Variants in ELMOD1 observed in about 807,000 individuals in gnomAD.
ELMOD1 encodes the protein ELMO domain-containing protein 1.
ELMOD1 carries 21 observed loss-of-function variants against 46.7 expected under a neutral mutation model. That is an observed-to-expected ratio of 0.45 (90% CI 0.32 to 0.65). ELMOD1 has a LOEUF of 0.65. Ranked by LOEUF, ELMOD1 falls within the 30% of genes least tolerant of loss-of-function variation. The pLI is 0.04. For missense variants in ELMOD1, 348 were observed against 407.8 expected (o/e 0.85, Z 1.26); for synonymous variants, 122 against 138.2 (o/e 0.88, Z 0.82).
chr11:107,644,274 C>T (rs1296229385), intron 6 of ELMOD1, among the ~76,000 whole-genome samples: 11 of 149,356 alleles, frequency 7.4e-5, no homozygotes, highest in African/African-American at 2.5e-4. Flanking sequence ...CCAGCCTGGG[C>T]GGCAGAGTGA....
intron 2 of ELMOD1, among the ~76,000 whole-genome samples, chr11:107,618,905 G>A (rs1017302543): frequency 6.6e-6 from 1 of 151,984 alleles, no homozygotes; most frequent in Non-Finnish European, 1.5e-5. Flanking sequence ...ATTAAAATAC[G>A]GCAAAATAAA....
chr11:107,648,919 T>C (rs1199839932), intron 7 of ELMOD1, among the ~76,000 whole-genome samples: 1 of 152,184 alleles, frequency 6.6e-6, no homozygotes, highest in African/African-American at 2.4e-5. Flanking sequence ...TCCTTTCAAG[T>C]TGGTTCTTGT....
chr11:107,624,743 A>T (rs1384361118), intron 2 of ELMOD1, among the ~76,000 whole-genome samples: 1 of 152,224 alleles, frequency 6.6e-6, no homozygotes, highest in Non-Finnish European at 1.5e-5. Context: ...CTTTGAAAGG[A>T]AAGGGTTACA....
At chr11:107,659,683 A>T (rs2135717768) in intron 11 of ELMOD1, among the ~76,000 whole-genome samples, 1 of 151,320 alleles carries the variant, frequency 6.6e-6, no homozygotes, top group East Asian at 2.0e-4. Context: ...GGATGGATGG[A>T]TGGATGGATG....
At chr11:107,640,965 C>T (rs911444977) in intron 6 of ELMOD1, among the ~76,000 whole-genome samples, 1 of 152,140 alleles carries the variant, frequency 6.6e-6, no homozygotes, top group African/African-American at 2.4e-5. Context: ...GGGGATATAA[C>T]ATAAATACTA....
intron 2 of ELMOD1, among the ~76,000 whole-genome samples, chr11:107,624,282 G>A (rs962746931): frequency 6.6e-6 from 1 of 152,152 alleles, no homozygotes; most frequent in Non-Finnish European, 1.5e-5. Flanking sequence ...GTGTTATAAT[G>A]TGTTCATTGT....
At chr11:107,642,957 G>T (rs925580010) in intron 6 of ELMOD1, 3 of 318,982 alleles carry the variant, frequency 9.4e-6, no homozygotes, top group Non-Finnish European at 1.9e-5. Flanking sequence ...GTTATCCTTG[G>T]ACATCAAATT....
At chr11:107,649,156 A>G (rs79531385) in intron 7 of ELMOD1, among the ~76,000 whole-genome samples, 10,475 of 152,250 alleles carry the variant, frequency 0.069, 377 homozygotes, top group South Asian at 0.095. Flanking sequence ...ATAAGTGGAT[A>G]AAGTCTGAGC....
At chr11:107,634,314 T>A (rs188050630) in intron 5 of ELMOD1, among the ~76,000 whole-genome samples, 12 of 152,330 alleles carry the variant, frequency 7.9e-5, no homozygotes, top group African/African-American at 2.9e-4. Context: ...GAAAACAGCA[T>A]TCCAGTCACA....
intron 11 of ELMOD1, among the ~76,000 whole-genome samples, chr11:107,659,872 G>A (rs1866703374): frequency 6.6e-6 from 1 of 151,978 alleles, no homozygotes; most frequent in Non-Finnish European, 1.5e-5. Context: ...GACCAACCTG[G>A]GTAACATGGT....
At chr11:107,648,827 T>C (rs1866477707) in intron 7 of ELMOD1, among the ~76,000 whole-genome samples, 1 of 152,142 alleles carries the variant, frequency 6.6e-6, no homozygotes, top group African/African-American at 2.4e-5. Flanking sequence ...TATATGTTTA[T>C]TGTAACTCAG....
intron 9 of ELMOD1, among the ~76,000 whole-genome samples, chr11:107,652,805 G>A (rs766167240): frequency 7.9e-5 from 12 of 152,156 alleles, no homozygotes; most frequent in East Asian, 5.8e-4. Context: ...AGAATAGAAA[G>A]TACACATTGT....
intron 2 of ELMOD1, among the ~76,000 whole-genome samples, chr11:107,621,309 C>G (rs1022570132): frequency 2.0e-5 from 3 of 152,176 alleles, no homozygotes; most frequent in Non-Finnish European, 2.9e-5. Flanking sequence ...GTGGGAGGAA[C>G]TGAGCAATAC....
Position 107,631,769 on chromosome 11 carries a change from CCT to C in ELMOD1, c.290+98_290+99del, listed in dbSNP as rs924902866. ...TCTGTCTCCTCTCTTTTTTTTTCTC[CCT>C]CTCTCCCTAAAATAATCATCTGCCA... On this transcript the variant is annotated intron_variant, in intron 5 of 11. Transcript: ENST00000265840. 2.5e-5 allele frequency: 15 copies of C among 600,574 alleles called. No homozygotes were observed. The African/African-American group carries it at 2.7e-4, about 11-fold the overall frequency. The allele number at this position is 600,574 out of a possible 1,614,324, so 37.2% of individuals were successfully genotyped here. A position where few individuals can be genotyped will look rare whatever the true frequency, so the allele number is the denominator to read the frequency against.
At chr11:107,623,114 A>G (rs1413715934) in intron 2 of ELMOD1, among the ~76,000 whole-genome samples, 1 of 152,038 alleles carries the variant, frequency 6.6e-6, no homozygotes, top group African/African-American at 2.4e-5. Context: ...TCCTAATGCT[A>G]TCCCTCCCCG....
Position 107,655,998 on chromosome 11 carries a change from C to T in ELMOD1, c.764C>T (p.Ala255Val), listed in dbSNP as rs1267495781. The change falls in exon 11 of 12, where the codon GCT becomes GTT. Residue 255 changes from alanine to valine, a missense_variant. By Grantham distance (64) the Ala-to-Val change is moderately conservative (BLOSUM62 0). Transcript: ENST00000265840. Reference sequence around the variant, plus strand: ...GCATATAATCTACTGGTCAGCGGAGCTCTAAAAACCCATTTCTACAATATC... The same window carrying T: ...GCATATAATCTACTGGTCAGCGGAGTTCTAAAAACCCATTTCTACAATATC... ...DLAYNLLVSG[A>V]LKTHFYNIAP... is the part of the protein sequence containing the mutation. The T allele has an allele frequency of 6.3e-7, 1 of 1,582,938 alleles. No individual in the cohort carries two copies.
At chr11:107,633,100 T>C (rs373724296) in intron 5 of ELMOD1, among the ~76,000 whole-genome samples, 2 of 152,302 alleles carry the variant, frequency 1.3e-5, no homozygotes, top group South Asian at 2.1e-4. Context: ...TTGTGTCCCA[T>C]CCCCAAGGTA....
At chr11:107,622,281 G>C (rs1000990300) in intron 2 of ELMOD1, among the ~76,000 whole-genome samples, 3 of 152,136 alleles carry the variant, frequency 2.0e-5, no homozygotes, top group Non-Finnish European at 2.9e-5. Flanking sequence ...GGCATGACTG[G>C]TGCCATAAGC....
intron 1 of ELMOD1, among the ~76,000 whole-genome samples, chr11:107,609,949 A>G (rs565427606): frequency 2.0e-5 from 3 of 152,280 alleles, no homozygotes; most frequent in East Asian, 1.9e-4. Context: ...TTTTCTTCCA[A>G]TTGGGAGATT....
Sources: allele counts gnomAD v4.1 joint callset (sites outside exome capture counted in the v4.1 genomes callset), GRCh38; gene constraint gnomAD v4.1.1; transcripts MANE v1.5; gene names NCBI Gene and HGNC (gene_info 2026-07-23, HGNC 2026-07-21).